The following EXOC6B variants were observed in gnomAD, a reference collection of about 807,000 sequenced individuals.
The protein encoded by EXOC6B is exocyst complex component 6B, also known as SEC15 homolog B.
In EXOC6B, 54 loss-of-function variants were observed where a neutral mutation model predicts 113.5. The ratio of observed to expected loss-of-function variants is 0.48; its 90% CI spans 0.38 to 0.60. EXOC6B has a LOEUF of 0.60. EXOC6B is among the 20% of genes least tolerant of loss of function. EXOC6B has a pLI of 0.00. For synonymous variants in EXOC6B, 357 were observed against 339.0 expected, an observed-to-expected ratio of 1.05 and a Z score of -0.58; for missense variants, 797 against 977.5, an observed-to-expected ratio of 0.82 and a Z score of 2.46.
intron 18 of EXOC6B, among the ~76,000 whole-genome samples, chr2:72,403,367 A>C (rs1393435711): frequency 2.6e-5 from 4 of 152,174 alleles, no homozygotes; most frequent in Admixed American, 2.0e-4. Flanking sequence ...AAGTCAGAAC[A>C]GACATACACA....
At chr2:72,401,243 C>A (rs1357577021) in intron 18 of EXOC6B, among the ~76,000 whole-genome samples, 1 of 150,744 alleles carries the variant, frequency 6.6e-6, no homozygotes, top group Non-Finnish European at 1.5e-5. Context: ...GGGTGGATCA[C>A]CTGAGGTCAG....
At chr2:72,224,994 G>GTA (rs1553468230) in intron 20 of EXOC6B, among the ~76,000 whole-genome samples, 92 of 137,316 alleles carry the variant, frequency 6.7e-4, no homozygotes, top group East Asian at 2.6e-3. Flanking sequence ...GTGTGTGTGT[G>GTA]TATATATATA....
chr2:72,543,124 A>G (rs1702701866), intron 8 of EXOC6B, among the ~76,000 whole-genome samples: 1 of 152,202 alleles, frequency 6.6e-6, no homozygotes, highest in African/African-American at 2.4e-5. Context: ...TCATTGTGAG[A>G]GCACATGGAG....
intron 1 of EXOC6B, among the ~76,000 whole-genome samples, chr2:72,771,860 C>T (rs1169813569): frequency 1.3e-5 from 2 of 151,942 alleles, no homozygotes; most frequent in African/African-American, 4.8e-5. Flanking sequence ...CCCTAAAGAG[C>T]TTTTGCTTAT....
chr2:72,412,952 C>G (rs1177830146), intron 18 of EXOC6B, among the ~76,000 whole-genome samples: 1 of 151,240 alleles, frequency 6.6e-6, no homozygotes, highest in African/African-American at 2.4e-5. Context: ...CTTTCTCTCC[C>G]TCTCTCTTTC....
At chr2:72,701,840 C>T (rs1678367498) in intron 6 of EXOC6B, among the ~76,000 whole-genome samples, 1 of 151,954 alleles carries the variant, frequency 6.6e-6, no homozygotes, top group Non-Finnish European at 1.5e-5. Context: ...CAAGGGCTTT[C>T]GAATGTTCTA....
intron 20 of EXOC6B, among the ~76,000 whole-genome samples, chr2:72,219,148 C>G (rs1405611818): frequency 2.0e-5 from 3 of 152,028 alleles, no homozygotes; most frequent in Non-Finnish European, 4.4e-5. Flanking sequence ...TTCCTAAGAC[C>G]AGAGAAGAGA....
chr2:72,392,887 G>A (rs961335174), intron 18 of EXOC6B, among the ~76,000 whole-genome samples: 1 of 152,012 alleles, frequency 6.6e-6, no homozygotes, highest in African/African-American at 2.4e-5. Flanking sequence ...AGCACAAAGT[G>A]CTCATCTGCT....
At chr2:72,687,670 G>C (rs1391210014) in intron 6 of EXOC6B, among the ~76,000 whole-genome samples, 2 of 152,018 alleles carry the variant, frequency 1.3e-5, no homozygotes, top group South Asian at 4.1e-4. Flanking sequence ...AGCTTAAAGG[G>C]GTTAAGCTGA....
chr2:72,610,781 G>A (rs1671027840), intron 6 of EXOC6B, among the ~76,000 whole-genome samples: 2 of 152,076 alleles, frequency 1.3e-5, no homozygotes, highest in South Asian at 4.2e-4. Context: ...CATGCCCCAT[G>A]CCACCACCTT....
chr2:72,313,225 G>A (rs964749765), intron 20 of EXOC6B, among the ~76,000 whole-genome samples: 10 of 151,982 alleles, frequency 6.6e-5, no homozygotes, highest in Non-Finnish European at 1.3e-4. Context: ...AAGGGTGGCG[G>A]GTGGGAGATG....
intron 6 of EXOC6B, among the ~76,000 whole-genome samples, chr2:72,608,434 C>A (rs1463257586): frequency 6.6e-6 from 1 of 151,966 alleles, no homozygotes. Context: ...AGCTAAAGAC[C>A]ATTTATTTCT....
chr2:72,478,816 A>G (rs775149450), intron 17 of EXOC6B, among the ~76,000 whole-genome samples: 4 of 152,192 alleles, frequency 2.6e-5, no homozygotes, highest in Admixed American at 6.5e-5. Context: ...AGACAAATGA[A>G]CCTCACGTTC....
chr2:72,385,962 C>A (rs1558615582), intron 18 of EXOC6B, among the ~76,000 whole-genome samples: 1 of 151,948 alleles, frequency 6.6e-6, no homozygotes, highest in Non-Finnish European at 1.5e-5. Context: ...AAGTTCCTCA[C>A]AAAATTTAAA....
intron 11 of EXOC6B, among the ~76,000 whole-genome samples, chr2:72,512,255 A>G (rs1357916547): frequency 1.3e-5 from 2 of 151,848 alleles, no homozygotes; most frequent in East Asian, 3.9e-4. Context: ...AGCAAAGACT[A>G]TCTATCTTGT....
chr2:72,324,920 A>G (rs1688040454), intron 20 of EXOC6B, among the ~76,000 whole-genome samples: 3 of 152,136 alleles, frequency 2.0e-5, no homozygotes, highest in Admixed American at 1.3e-4. Context: ...AGAGACTCCA[A>G]ACACAACTCT....
chr2:72,456,992 T>C (rs1454479252), intron 18 of EXOC6B, among the ~76,000 whole-genome samples: 2 of 149,124 alleles, frequency 1.3e-5, no homozygotes, highest in Non-Finnish European at 1.5e-5. Context: ...GCAGTAAAAG[T>C]AGACGAAAGG....
At position 72,379,777 on chromosome 2, in the gene EXOC6B, T is replaced by C; in HGVS notation, c.2074A>G (p.Thr692Ala). 1 of 1,613,498 alleles carries C rather than the reference T, an allele frequency of 6.2e-7. No individual in the cohort carries two copies. Among genetic ancestry groups the C allele is most frequent in the East Asian group, 2.2e-5 (1 of 44,828 alleles). Reference protein sequence around the residue: ...LLLEAEVRQLTLGALQQFNLD... With the variant: ...LLLEAEVRQLALGALQQFNLD... Reference sequence around the variant, plus strand: ...TTGAACTGCTGTAATGCTCCCAAGGTGAGCTGCCGCACTTCAGCTTCCAAC... The same window carrying C: ...TTGAACTGCTGTAATGCTCCCAAGGCGAGCTGCCGCACTTCAGCTTCCAAC... The change falls in exon 19 of 22, where the codon ACC becomes GCC. Residue 692 changes from threonine (T) to alanine (A), a missense_variant. Thr to Ala is a moderately conservative substitution (Grantham distance 58, BLOSUM62 0). Transcript: ENST00000272427.
chr2:72,548,526 T>A (rs563556211), intron 8 of EXOC6B, among the ~76,000 whole-genome samples: 1 of 152,302 alleles, frequency 6.6e-6, no homozygotes, highest in Non-Finnish European at 1.5e-5. Context: ...TATGTTATGA[T>A]CCTTCCGTTG....
Sources: gnomAD v4.1 joint callset for allele counts (sites outside exome capture counted in the v4.1 genomes callset) on GRCh38, gnomAD v4.1.1 for gene constraint, MANE v1.5 for transcripts, NCBI Gene and HGNC (gene_info 2026-07-23, HGNC 2026-07-21) for gene names.